Variants in ERCC1 observed in about 807,000 individuals in gnomAD.
The protein encoded by ERCC1 is ERCC excision repair 1, endonuclease non-catalytic subunit.
In ERCC1, 36 loss-of-function variants were observed where a neutral mutation model predicts 37.6. The observed-to-expected ratio is 0.96, with a 90% CI of 0.73 to 1.26. The LOEUF is 1.26. Among genes scored for constraint, ERCC1 ranks in the 50% most tolerant of loss-of-function variants. The pLI is 0.00. For missense variants in ERCC1, 349 were observed against 376.5 expected (o/e 0.93, Z 0.60); for synonymous variants, 156 against 162.1 (o/e 0.96, Z 0.28).
At chr19:45,450,895 C>G (rs953330321) in intron 1 of ERCC1, among the ~76,000 whole-genome samples, 6 of 88,684 alleles carry the variant, frequency 6.8e-5, no homozygotes, top group African/African-American at 2.2e-4. Flanking sequence ...CCGCCCCCCC[C>G]CCCCCCCCCC....
At chr19:45,437,048 G>A (rs942411790) in intron 1 of ERCC1, among the ~76,000 whole-genome samples, 9 of 152,058 alleles carry the variant, frequency 5.9e-5, no homozygotes, top group African/African-American at 1.4e-4. Context: ...TCAGGAGTTC[G>A]AGACCAGCCT....
chr19:45,415,056 G>A lies in ERCC1; in HGVS notation c.603-96C>T, dbSNP rs567828128. On this transcript the variant is annotated intron_variant, in intron 6 of 9. Coordinates refer to ENST00000300853, the MANE Select transcript of ERCC1 (RefSeq NM_001983.4). ...TCATAAGAATTGCCAATACTAGGCC[G>A]GGCGCGGTGGCTCACGCCTGTAATC... The A allele has an allele frequency of 2.9e-5, 26 of 889,290 alleles. No individual in the cohort carries two copies. The East Asian group carries it at 3.0e-4, about 10-fold the overall frequency. 55.1% of individuals were successfully genotyped at this position (889,290 alleles called of 1,614,324 possible).
At chr19:45,418,734 A>C (rs1047031598) in intron 5 of ERCC1, among the ~76,000 whole-genome samples, 3 of 151,966 alleles carry the variant, frequency 2.0e-5, no homozygotes, top group African/African-American at 7.3e-5. Flanking sequence ...GAGGCAGGAG[A>C]ATCGCTTGAA....
At chr19:45,434,140 A>T (rs981944795) in intron 1 of ERCC1, among the ~76,000 whole-genome samples, 4 of 113,446 alleles carry the variant, frequency 3.5e-5, no homozygotes, top group African/African-American at 1.2e-4. Flanking sequence ...AGAATGTCTC[A>T]CACACACACA....
At chr19:45,449,479 G>A (rs1178731567) in intron 1 of ERCC1, among the ~76,000 whole-genome samples, 2 of 148,574 alleles carry the variant, frequency 1.3e-5, no homozygotes, top group African/African-American at 5.3e-5. Context: ...GCAACATAAT[G>A]AGACCCCCGT....
At chr19:45,437,897 C>T (rs141168438) in intron 1 of ERCC1, among the ~76,000 whole-genome samples, 52 of 150,954 alleles carry the variant, frequency 3.4e-4, no homozygotes, top group Admixed American at 6.6e-4. Context: ...TTTGTCACTA[C>T]GTGTTCTCAT....
At position 45,407,754 on chromosome 19, in the gene ERCC1, T is replaced by C. The variant is rs1275065707; in HGVS notation, c.*1921A>G. On this transcript the variant is annotated 3_prime_UTR_variant, in exon 10 of 10. Coordinates refer to ENST00000300853, the MANE Select transcript of ERCC1 (RefSeq NM_001983.4). ...TTAAGATGGAGTCACTCTAGTCATG[T>C]TTTATTAAAAACCAGAGGCCAGCCA... The C allele has an allele frequency of 3.6e-5, 9 of 251,516 alleles. No homozygotes were observed. The East Asian group carries it at 4.3e-4, about 12-fold the overall frequency. The allele number at this position is 251,516 out of a possible 1,614,324, so 15.6% of individuals were successfully genotyped here.
At chr19:45,439,808 G>T (rs1975072260) in intron 1 of ERCC1, among the ~76,000 whole-genome samples, 1 of 151,998 alleles carries the variant, frequency 6.6e-6, no homozygotes, top group South Asian at 2.1e-4. Flanking sequence ...CCGTGCCTCG[G>T]GGTAGGGGGA....
chr19:45,412,410 C>A (rs1193442505), intron 9 of ERCC1, among the ~76,000 whole-genome samples: 3 of 152,186 alleles, frequency 2.0e-5, no homozygotes, highest in Non-Finnish European at 2.9e-5. Flanking sequence ...CTGCCCGCCT[C>A]GGCCTCCCAA....
At chr19:45,424,030 C>T (rs1974604191), upstream of ERCC1, 1 of 1,048,650 alleles carries the variant, frequency 9.5e-7, no homozygotes, top group African/African-American at 1.7e-5. Flanking sequence ...GAGATGTGGC[C>T]TGAGGATCTG....
intron 2 of ERCC1, 62 bp from the exon 3 acceptor site, chr19:45,421,455 C>G (rs1974423090): frequency 2.6e-6 from 3 of 1,169,722 alleles, no homozygotes; most frequent in East Asian, 4.7e-5. Flanking sequence ...ATCTGAGGCC[C>G]TGTGAGTTCC....
In ERCC1 at chr19:45,446,531, C is replaced by T. The variant is rs1036329909; in HGVS notation, c.-7-23150G>A. 3.9e-5 allele frequency among the ~76,000 whole-genome samples: 6 copies of T among 152,140 alleles called. No individual in the cohort carries two copies. In the South Asian group the frequency reaches 6.2e-4, roughly 16 times the overall value. ...GTCGCTTAACTTGCCTAAGGTCTCA[C>T]GGCTCAGTCTAGCTCCAAAGATGGT... On this transcript the variant is annotated intron_variant, in intron 1 of 8. Transcript: ENST00000423698.
Position 45,408,581 on chromosome 19 carries a change from T to C in ERCC1, c.*1094A>G. ...CCTGGAGGTGGACATGGCTTTGGGG[T>C]CGCCAGAAATGGATGTGCGGAAGAA... On this transcript the variant is annotated 3_prime_UTR_variant, in exon 10 of 10. Transcript: ENST00000300853. The C allele has an allele frequency of 6.2e-7, 1 of 1,611,958 alleles. No individual in the cohort carries two copies. Among genetic ancestry groups the C allele is most frequent in the East Asian group, 2.2e-5 (1 of 44,760 alleles).
In ERCC1 at chr19:45,409,475, AAGC is replaced by A. The variant is rs763194578; in HGVS notation, c.*197_*199del. 5.6e-6 allele frequency: 9 copies of A among 1,609,290 alleles called. No individual in the cohort carries two copies. Among genetic ancestry groups the A allele is most frequent in the South Asian group, 1.1e-5 (1 of 90,704 alleles). On this transcript the variant is annotated 3_prime_UTR_variant, in exon 10 of 10. Transcript: ENST00000300853. ...TCCCACAGGCCGGGACAAGAAGCGG[AAGC>A]AGCAGCAGCAGCAGCCTGTGTAGTC...
chr19:45,409,889 A>ATTTTTTTTTTT (rs1184782156), intron 9 of ERCC1, 164 bp from the exon 10 acceptor site: 96 of 237,642 alleles, frequency 4.0e-4, no homozygotes, highest in African/African-American at 9.8e-4. Flanking sequence ...TATTATTATT[A>ATTTTTTTTTTT]TTATTATTTT....
intron 1 of ERCC1, among the ~76,000 whole-genome samples, chr19:45,439,384 T>TA (rs1568599542): frequency 4.6e-5 from 7 of 151,830 alleles, no homozygotes. Flanking sequence ...AGGTCAGATT[T>TA]AAAAAAATAA....
At position 45,408,071 on chromosome 19, in the gene ERCC1, A is replaced by T. The variant is rs202063629; in HGVS notation, c.*1604T>A. The T allele has an allele frequency of 6.7e-7, 1 of 1,488,698 alleles. No individual in the cohort carries two copies. 92.2% of individuals were successfully genotyped at this position (1,488,698 alleles called of 1,614,324 possible). On this transcript the variant is annotated 3_prime_UTR_variant, in exon 10 of 10. Transcript: ENST00000300853. ...TCTCTCAAAAAAAAACAAAAAAAAA[A>T]TCAAAAAACCTTCCCTCTCCTGTTC...
At chr19:45,444,620 C>T (rs1364347783) in intron 1 of ERCC1, among the ~76,000 whole-genome samples, 1 of 152,158 alleles carries the variant, frequency 6.6e-6, no homozygotes. Flanking sequence ...GAGATCAGGG[C>T]CCCGGAGCAA....
chr19:45,418,899 G>A (rs1974226251), intron 5 of ERCC1, among the ~76,000 whole-genome samples, 199 bp downstream of exon 5: 1 of 152,176 alleles, frequency 6.6e-6, no homozygotes, highest in Non-Finnish European at 1.5e-5. Flanking sequence ...AATTGAAGGG[G>A]ATGTGGGGAA....
Sources: allele counts gnomAD v4.1 joint callset (sites outside exome capture counted in the v4.1 genomes callset), GRCh38; gene constraint gnomAD v4.1.1; transcripts MANE v1.5; gene names NCBI Gene and HGNC (gene_info 2026-07-23, HGNC 2026-07-21).